The following NUP98 variants were observed in gnomAD, a reference collection of about 807,000 sequenced individuals.
NUP98 encodes nuclear pore complex protein Nup98-Nup96.
Under a neutral mutation model 191.9 loss-of-function variants are expected in NUP98, and 26 were observed. The ratio of observed to expected loss-of-function variants is 0.14; its 90% confidence interval spans 0.10 to 0.19. NUP98 has a LOEUF of 0.19. NUP98 is among the 10% of genes least tolerant of loss of function. The pLI is 1.00. For missense variants in NUP98, 1,941 were observed against 2,178.8 expected (o/e 0.89, Z 2.17); for synonymous variants, 808 against 778.4 (o/e 1.04, Z -0.63).
chr11:3,785,588 G>A (rs943372441), intron 1 of NUP98, among the ~76,000 whole-genome samples: 4 of 152,098 alleles, frequency 2.6e-5, no homozygotes, highest in African/African-American at 7.2e-5. Flanking sequence ...GCAAAACCCC[G>A]CCTCTACTAA....
Position 3,705,305 on chromosome 11 carries a change from C to A in NUP98, c.2977G>T (p.Asp993Tyr). Residue 993 changes from aspartate (D) to tyrosine (Y), a missense_variant, in exon 22 of 33, where the codon GAT becomes TAT. Asp to Tyr is a radical substitution (Grantham distance 160, BLOSUM62 -3). Around this residue, in one of 6 missense-constraint regions of NUP98, gnomAD observed 1,030 missense variants for 1,115.8 expected, o/e 0.92. Transcript: ENST00000324932. ...TDEEDVDMALDQRFSRLPSKA... is the reference protein window; with the variant it reads ...TDEEDVDMALYQRFSRLPSKA... The stretch of plus-strand genomic sequence containing the variant: ...GAAGGCAGGCGACTGAAGCGTTGAT[C>A]CAGTGCCATATCTACATCTTCTTCA... 6 of 1,614,034 alleles carry A rather than the reference C, an allele frequency of 3.7e-6. No individual in the cohort carries two copies. Among genetic ancestry groups the A allele is most frequent in the Non-Finnish European group, 5.1e-6 (6 of 1,179,892 alleles).
chr11:3,754,941 CAAAAAAA>C (rs34606573), intron 10 of NUP98, among the ~76,000 whole-genome samples: 1 of 66,238 alleles, frequency 1.5e-5, no homozygotes, highest in African/African-American at 6.0e-5. Flanking sequence ...GACACTATCT[CAAAAAAA>C]AAAAAAAAAA....
intron 11 of NUP98, among the ~76,000 whole-genome samples, chr11:3,748,727 C>T (rs1227525073): frequency 6.6e-6 from 1 of 152,054 alleles, no homozygotes; most frequent in Non-Finnish European, 1.5e-5. Context: ...AAAAGAAAAG[C>T]CTTCCTTAAT....
chr11:3,784,325 GA>G (rs201208462), intron 1 of NUP98, among the ~76,000 whole-genome samples: 1 of 151,474 alleles, frequency 6.6e-6, no homozygotes. Context: ...AATTTCCTAG[GA>G]AAAAAAATCA....
chr11:3,714,169 C>T (rs554551439), intron 18 of NUP98, among the ~76,000 whole-genome samples, 174 bp from the exon 19 acceptor site: 2 of 152,314 alleles, frequency 1.3e-5, no homozygotes, highest in African/African-American at 4.8e-5. Context: ...CAAGGAGTCA[C>T]TCCTACATTG....
At chr11:3,694,152 A>G (rs919658533) in intron 26 of NUP98, among the ~76,000 whole-genome samples, 17 of 151,726 alleles carry the variant, frequency 1.1e-4, no homozygotes, top group African/African-American at 4.1e-4. Context: ...TGGGTGGATC[A>G]CCTGAGGTCG....
At position 3,711,330 on chromosome 11, in the gene NUP98, A is replaced by G. The variant is rs1344989672; in HGVS notation, c.2742+1234T>C. ...AAATTTTTGGGTGCTCAATTTTTCA[A>G]AGAGCTCTCACAAACACAAGTGTCA... is the stretch of plus-strand genomic sequence containing the variant. On this transcript the variant is annotated intron_variant, in intron 20 of 32. Coordinates refer to ENST00000324932, the MANE Select transcript of NUP98 (RefSeq NM_016320.5). Among the ~76,000 whole-genome samples the G allele has an allele frequency of 2.0e-5, 3 of 152,148 alleles. No homozygotes were observed. The East Asian group carries it at 5.8e-4, about 29-fold the overall frequency.
At chr11:3,789,656 C>T (rs897780816) in intron 1 of NUP98, among the ~76,000 whole-genome samples, 2 of 151,970 alleles carry the variant, frequency 1.3e-5, no homozygotes, top group Non-Finnish European at 2.9e-5. Context: ...GCTGAGACCA[C>T]AGGCATGTGC....
intron 18 of NUP98, 77 bp from the exon 19 acceptor site, chr11:3,714,072 CATAA>C (rs2079101417): frequency 1.5e-6 from 2 of 1,340,480 alleles, no homozygotes; most frequent in Non-Finnish European, 2.1e-6. Context: ...CCACCTAACA[CATAA>C]ATAGTGAATA....
chr11:3,689,702 G>A (rs2078245626), intron 28 of NUP98, among the ~76,000 whole-genome samples: 2 of 151,898 alleles, frequency 1.3e-5, no homozygotes, highest in Admixed American at 6.6e-5. Context: ...GTACAGTGAT[G>A]CAATCATGTC....
intron 14 of NUP98, among the ~76,000 whole-genome samples, chr11:3,727,995 T>C (rs2079687251): frequency 6.6e-6 from 1 of 152,172 alleles, no homozygotes; most frequent in African/African-American, 2.4e-5. Flanking sequence ...CACTCCAGCC[T>C]GGGTGACAGA....
At chr11:3,787,554 C>G (rs2133971670) in intron 1 of NUP98, among the ~76,000 whole-genome samples, 1 of 151,658 alleles carries the variant, frequency 6.6e-6, no homozygotes, top group South Asian at 2.1e-4. Context: ...GCCTGGGTAA[C>G]AGAGCAAGAC....
At chr11:3,707,875 T>C (rs547043201) in intron 20 of NUP98, among the ~76,000 whole-genome samples, 3 of 150,986 alleles carry the variant, frequency 2.0e-5, no homozygotes, top group African/African-American at 7.3e-5. Context: ...CTGAGGTGAG[T>C]GGATCACCTG....
chr11:3,711,941 G>A, intron 20 of NUP98: 1 of 1,042,026 alleles, frequency 9.6e-7, no homozygotes, highest in Non-Finnish European at 1.2e-6. Context: ...CAGCTGAGAG[G>A]TAGAGGATGC....
chr11:3,680,491 T>G (rs959093748), intron 30 of NUP98, among the ~76,000 whole-genome samples: 1 of 152,210 alleles, frequency 6.6e-6, no homozygotes, highest in Non-Finnish European at 1.5e-5. Flanking sequence ...ATGCCTTCCA[T>G]ACTCCTGTTA....
intron 30 of NUP98, among the ~76,000 whole-genome samples, chr11:3,681,213 G>A (rs573393582): frequency 6.6e-6 from 1 of 152,038 alleles, no homozygotes; most frequent in Non-Finnish European, 1.5e-5. Context: ...GCTAATTTTT[G>A]TATTTTTTGT....
intron 18 of NUP98, among the ~76,000 whole-genome samples, chr11:3,718,811 A>G (rs2079281142): frequency 6.6e-6 from 1 of 152,168 alleles, no homozygotes; most frequent in Non-Finnish European, 1.5e-5. Context: ...TTTTGAAATT[A>G]GCAGTTGGAC....
At chr11:3,761,688 G>A (rs2081174960) in intron 9 of NUP98, among the ~76,000 whole-genome samples, 1 of 152,186 alleles carries the variant, frequency 6.6e-6, no homozygotes, top group Non-Finnish European at 1.5e-5. Context: ...AACCCGGGAG[G>A]CAGAGGTTGC....
At chr11:3,718,609 A>C (rs1396071442) in intron 18 of NUP98, among the ~76,000 whole-genome samples, 1 of 152,066 alleles carries the variant, frequency 6.6e-6, no homozygotes, top group African/African-American at 2.4e-5. Flanking sequence ...AAGGAAAGGA[A>C]AGGATCGATT....
Sources: allele counts gnomAD v4.1 joint callset (sites outside exome capture counted in the v4.1 genomes callset), GRCh38; gene constraint gnomAD v4.1.1; regional missense constraint gnomAD v4.1.1; transcripts MANE v1.5; gene names NCBI Gene and HGNC (gene_info 2026-07-23, HGNC 2026-07-21).